CFAP299: variants seen among roughly 807,000 people sequenced by gnomAD.
The protein encoded by CFAP299 is cilia and flagella associated protein 299.
Under a neutral mutation model 27.0 loss-of-function variants are expected in CFAP299, and 21 were observed. The ratio of observed to expected loss-of-function variants is 0.78; its 90% CI spans 0.55 to 1.12. The LOEUF (loss-of-function observed/expected upper bound fraction) is 1.12, where lower values mean the gene tolerates loss of function less well. Among genes scored for constraint, CFAP299 ranks in the 50% most tolerant of loss-of-function variants. CFAP299 has a pLI of 0.00. For synonymous variants in CFAP299, 104 were observed against 98.1 expected (o/e 1.06, Z -0.36); for missense variants, 310 against 276.6 (o/e 1.12, Z -0.86).
intron 4 of CFAP299, among the ~76,000 whole-genome samples, chr4:80,942,074 G>A (rs1479807988): frequency 1.3e-5 from 2 of 152,142 alleles, no homozygotes; most frequent in African/African-American, 4.8e-5. Flanking sequence ...AAAGAACATG[G>A]ATGGTTTTTG....
chr4:80,614,888 AG>A (rs1422584660), intron 3 of CFAP299, among the ~76,000 whole-genome samples: 1 of 152,210 alleles, frequency 6.6e-6, no homozygotes, highest in Admixed American at 6.5e-5. Context: ...AACATACAAG[AG>A]ACACCTTTGG....
chr4:80,692,240 A>G (rs1462174085), intron 3 of CFAP299, among the ~76,000 whole-genome samples: 2 of 152,238 alleles, frequency 1.3e-5, no homozygotes, highest in African/African-American at 4.8e-5. Flanking sequence ...TCACCAAGTC[A>G]ATCCTGAGCC....
At chr4:80,931,486 C>G (rs1736614033) in intron 4 of CFAP299, among the ~76,000 whole-genome samples, 2 of 152,068 alleles carry the variant, frequency 1.3e-5, no homozygotes. Flanking sequence ...ATGTTCTGGA[C>G]CAGATCACCA....
chr4:80,836,049 A>G (rs1197646146), intron 3 of CFAP299, among the ~76,000 whole-genome samples: 1 of 152,138 alleles, frequency 6.6e-6, no homozygotes, highest in Non-Finnish European at 1.5e-5. Flanking sequence ...TTGAGCATTG[A>G]GAAATTTCTC....
At chr4:80,571,707 A>G (rs1000832552) in intron 2 of CFAP299, among the ~76,000 whole-genome samples, 3 of 151,830 alleles carry the variant, frequency 2.0e-5, no homozygotes, top group African/African-American at 7.3e-5. Flanking sequence ...TTGGGCCCTC[A>G]TGATGGGATT....
chr4:80,845,464 C>T (rs1731131631), intron 3 of CFAP299, among the ~76,000 whole-genome samples: 2 of 152,130 alleles, frequency 1.3e-5, no homozygotes, highest in Admixed American at 1.3e-4. Flanking sequence ...TTTTATTTCA[C>T]ATCATGCCTT....
At chr4:80,723,227 C>T (rs1722941407) in intron 3 of CFAP299, among the ~76,000 whole-genome samples, 1 of 152,122 alleles carries the variant, frequency 6.6e-6, no homozygotes. Context: ...TACCATATTA[C>T]CTAGACACTC....
At chr4:80,828,114 T>C (rs2110129188) in intron 3 of CFAP299, among the ~76,000 whole-genome samples, 1 of 152,146 alleles carries the variant, frequency 6.6e-6, no homozygotes, top group South Asian at 2.1e-4. Context: ...AATGTTCGTA[T>C]TATGGAAGAC....
At chr4:80,663,097 C>A (rs1465394500) in intron 3 of CFAP299, among the ~76,000 whole-genome samples, 5 of 150,060 alleles carry the variant, frequency 3.3e-5, no homozygotes, top group African/African-American at 1.2e-4. Flanking sequence ...GTATCAAATT[C>A]CTATTATATA....
chr4:80,742,955 C>A (rs1469170098), intron 3 of CFAP299, among the ~76,000 whole-genome samples: 2 of 152,152 alleles, frequency 1.3e-5, no homozygotes, highest in Admixed American at 1.3e-4. Flanking sequence ...CTCGATACTT[C>A]ATGTTAAGAA....
At chr4:80,593,779 G>A (rs1404037359) in intron 3 of CFAP299, among the ~76,000 whole-genome samples, 1 of 152,132 alleles carries the variant, frequency 6.6e-6, no homozygotes, top group African/African-American at 2.4e-5. Flanking sequence ...TTAGATGAAA[G>A]TTTAGGTCAT....
At chr4:80,744,062 A>G (rs1273338039) in intron 3 of CFAP299, among the ~76,000 whole-genome samples, 1 of 152,184 alleles carries the variant, frequency 6.6e-6, no homozygotes, top group Non-Finnish European at 1.5e-5. Flanking sequence ...TATTTCATTT[A>G]TCTTTTAAAA....
intron 3 of CFAP299, among the ~76,000 whole-genome samples, chr4:80,812,641 A>G (rs1172962212): frequency 6.6e-6 from 1 of 152,168 alleles, no homozygotes; most frequent in Non-Finnish European, 1.5e-5. Flanking sequence ...TAGTGCAGAC[A>G]ACCAAGGTGG....
intron 1 of CFAP299, among the ~76,000 whole-genome samples, chr4:80,338,169 T>C (rs1292212871): frequency 6.6e-6 from 1 of 151,924 alleles, no homozygotes; most frequent in Admixed American, 6.6e-5. Flanking sequence ...TAAAACATTT[T>C]ATTTTAACTA....
At chr4:80,363,673 C>T (rs1054757557) in intron 2 of CFAP299, among the ~76,000 whole-genome samples, 5 of 152,100 alleles carry the variant, frequency 3.3e-5, no homozygotes, top group Admixed American at 6.5e-5. Context: ...TAGAAGTGGC[C>T]ATTCTAATGG....
intron 5 of CFAP299, among the ~76,000 whole-genome samples, chr4:80,946,496 T>C (rs944450630): frequency 2.0e-5 from 3 of 152,162 alleles, no homozygotes; most frequent in African/African-American, 7.2e-5. Flanking sequence ...GAAGTTAGTC[T>C]TATGGAGGTG....
chr4:80,688,215 G>A (rs1322882047), intron 3 of CFAP299, among the ~76,000 whole-genome samples: 1 of 152,226 alleles, frequency 6.6e-6, no homozygotes, highest in Non-Finnish European at 1.5e-5. Context: ...GCCTGCCTCT[G>A]TAGGCTCCAC....
At chr4:80,799,995 ATT>A (rs1476869290) in intron 3 of CFAP299, among the ~76,000 whole-genome samples, 1 of 58,608 alleles carries the variant, frequency 1.7e-5, no homozygotes, top group Non-Finnish European at 2.8e-5. Context: ...TGTAATATAT[ATT>A]ATGATATATA....
chr4:80,530,217 A>G (rs1350601174), intron 2 of CFAP299, among the ~76,000 whole-genome samples: 1 of 152,178 alleles, frequency 6.6e-6, no homozygotes, highest in African/African-American at 2.4e-5. Context: ...AACTATGATC[A>G]TAGTGTTTCA....
Sources: allele counts gnomAD v4.1 joint callset (sites outside exome capture counted in the v4.1 genomes callset), GRCh38; gene constraint gnomAD v4.1.1; transcripts MANE v1.5; gene names NCBI Gene and HGNC (gene_info 2026-07-23, HGNC 2026-07-21).